Variants in RAB3C observed in about 807,000 individuals in gnomAD.
The protein encoded by RAB3C is RAB3C, member RAS oncogene family, also known as ras-related protein Rab-3C.
RAB3C carries 17 observed loss-of-function variants against 26.4 expected under a neutral mutation model. The observed-to-expected ratio is 0.64, with a 90% confidence interval of 0.44 to 0.97. The LOEUF (loss-of-function observed/expected upper bound fraction) is 0.97, where lower values mean the gene tolerates loss of function less well. RAB3C is among the 50% of genes least tolerant of loss of function. The pLI is 0.00. For synonymous variants in RAB3C, 91 were observed against 95.9 expected, an observed-to-expected ratio of 0.95 and a Z score of 0.30; for missense variants, 242 against 281.9, an observed-to-expected ratio of 0.86 and a Z score of 1.01.
intron 3 of RAB3C, among the ~76,000 whole-genome samples, chr5:58,807,429 G>A (rs1742968695): frequency 6.6e-6 from 1 of 152,196 alleles, no homozygotes; most frequent in Non-Finnish European, 1.5e-5. Flanking sequence ...TATGCAGTAG[G>A]TCTTAGTCAT....
intron 3 of RAB3C, among the ~76,000 whole-genome samples, chr5:58,737,394 AATATATATATATATATATATATAT>A (rs55691242): frequency 0.11 from 4,222 of 38,258 alleles, 379 homozygotes; most frequent in African/African-American, 0.2. Context: ...CACCCTATGA[AATATATATATATATATATATATAT>A]ATATATATAT....
chr5:58,722,008 G>A (rs1206983198), intron 2 of RAB3C, among the ~76,000 whole-genome samples: 1 of 151,232 alleles, frequency 6.6e-6, no homozygotes, highest in Non-Finnish European at 1.5e-5. Flanking sequence ...TTCAATCCAT[G>A]GGTTCTAACA....
chr5:58,831,132 T>G (rs1743605543), intron 4 of RAB3C, among the ~76,000 whole-genome samples: 1 of 152,088 alleles, frequency 6.6e-6, no homozygotes, highest in South Asian at 2.1e-4. Context: ...CCCACTCTAC[T>G]TTAGCCTCCC....
intron 3 of RAB3C, among the ~76,000 whole-genome samples, chr5:58,753,577 G>A (rs1214264505): frequency 1.3e-5 from 2 of 152,156 alleles, no homozygotes; most frequent in Non-Finnish European, 2.9e-5. Context: ...AAAGGTCAGC[G>A]TTAAGGAGGA....
intron 3 of RAB3C, among the ~76,000 whole-genome samples, chr5:58,765,464 G>A (rs750376978): frequency 6.6e-6 from 1 of 152,012 alleles, no homozygotes; most frequent in East Asian, 1.9e-4. Context: ...TGTAACAAAC[G>A]CATCATGTGT....
chr5:58,855,437 G>T lies in RAB3C; in HGVS notation c.*4086G>T, dbSNP rs940735390. The T allele has an allele frequency of 6.6e-6, 1 of 152,188 alleles. No individual in the cohort carries two copies. Among genetic ancestry groups the T allele is most frequent in the Admixed American group, 6.5e-5 (1 of 15,278 alleles). The allele number at this position is 152,188 out of a possible 1,614,324, so 9.4% of individuals were successfully genotyped here. A position where few individuals can be genotyped will look rare whatever the true frequency, so the allele number is the denominator to read the frequency against. On this transcript the variant is annotated 3_prime_UTR_variant, in exon 5 of 5. Coordinates refer to ENST00000282878, the MANE Select transcript of RAB3C (RefSeq NM_138453.4). The stretch of plus-strand genomic sequence containing the variant: ...TTTCTCTCACAATTACAGTTTGCAT[G>T]ACTAGAACCCGGAACTCTGTTCCTT...
chr5:58,608,753 G>T (rs2111702374), intron 1 of RAB3C, among the ~76,000 whole-genome samples: 1 of 152,280 alleles, frequency 6.6e-6, no homozygotes, highest in Admixed American at 6.5e-5. Context: ...ATTTATTGTG[G>T]CACTATTCAC....
intron 2 of RAB3C, among the ~76,000 whole-genome samples, chr5:58,676,475 T>C (rs1748229958): frequency 6.6e-6 from 1 of 151,880 alleles, no homozygotes; most frequent in African/African-American, 2.4e-5. Context: ...TGTGCTCCAA[T>C]GTGGGCAACA....
At chr5:58,731,529 T>C (rs927854543) in intron 3 of RAB3C, among the ~76,000 whole-genome samples, 2 of 152,058 alleles carry the variant, frequency 1.3e-5, no homozygotes, top group African/African-American at 4.8e-5. Flanking sequence ...GTGCTAATAG[T>C]TTATTGGGAC....
At chr5:58,693,334 G>GTATATATATATATATATATATA (rs1478527340) in intron 2 of RAB3C, among the ~76,000 whole-genome samples, 25 of 83,812 alleles carry the variant, frequency 3.0e-4, no homozygotes, top group African/African-American at 1.1e-3. Context: ...ATATATATAT[G>GTATATATATATATATATATATA]TGTATATATA....
At chr5:58,596,927 T>TAA (rs1746293974) in intron 1 of RAB3C, among the ~76,000 whole-genome samples, 1 of 95,488 alleles carries the variant, frequency 1.0e-5, no homozygotes, top group African/African-American at 4.4e-5. Flanking sequence ...ACATAATATA[T>TAA]TATATATAAA....
chr5:58,605,181 G>A (rs1746533341), intron 1 of RAB3C, among the ~76,000 whole-genome samples: 1 of 152,122 alleles, frequency 6.6e-6, no homozygotes, highest in African/African-American at 2.4e-5. Context: ...CCTGGGTCCT[G>A]CAGGAGCAGT....
intron 3 of RAB3C, among the ~76,000 whole-genome samples, chr5:58,729,057 C>T (rs1740946842): frequency 6.6e-6 from 1 of 151,868 alleles, no homozygotes; most frequent in African/African-American, 2.4e-5. Context: ...CCTGCTCCCA[C>T]CTTTATTCAT....
chr5:58,693,419 C>G (rs1748622039), intron 2 of RAB3C, among the ~76,000 whole-genome samples: 1 of 146,398 alleles, frequency 6.8e-6, no homozygotes, highest in Admixed American at 6.9e-5. Context: ...ATAATATAAC[C>G]TGGGAATAAA....
chr5:58,739,672 A>G (rs1212382870), intron 3 of RAB3C, among the ~76,000 whole-genome samples: 2 of 152,194 alleles, frequency 1.3e-5, no homozygotes, highest in African/African-American at 4.8e-5. Flanking sequence ...ATTCTCACAT[A>G]CTGTTCCCTT....
intron 1 of RAB3C, among the ~76,000 whole-genome samples, chr5:58,615,993 C>CACACACACACACACACACACACACCCCT (rs1444818998): frequency 4.0e-5 from 6 of 151,542 alleles, no homozygotes; most frequent in African/African-American, 1.5e-4. Flanking sequence ...CAGACACACA[C>CACACACACACACACACACACACACCCCT]ACACACACAC....
At chr5:58,675,111 C>T (rs1193741431) in intron 2 of RAB3C, among the ~76,000 whole-genome samples, 1 of 152,034 alleles carries the variant, frequency 6.6e-6, no homozygotes, top group Admixed American at 6.6e-5. Context: ...TCTCATGCTC[C>T]CCGCAGGCAA....
intron 2 of RAB3C, chr5:58,644,266 A>G (rs879785070): frequency 2.6e-5 from 4 of 152,218 alleles, no homozygotes; most frequent in Non-Finnish European, 5.9e-5. Context: ...GATTCTACGA[A>G]TTGGATTTCA....
intron 3 of RAB3C, among the ~76,000 whole-genome samples, chr5:58,799,806 A>C (rs1156286115): frequency 6.6e-6 from 1 of 152,214 alleles, no homozygotes; most frequent in Non-Finnish European, 1.5e-5. Flanking sequence ...ATCATCTCAG[A>C]ACACAAAACC....
Sources: allele counts gnomAD v4.1 joint callset (sites outside exome capture counted in the v4.1 genomes callset), GRCh38; gene constraint gnomAD v4.1.1; transcripts MANE v1.5; gene names NCBI Gene and HGNC (gene_info 2026-07-23, HGNC 2026-07-21).